Variants in FMN1 observed in about 807,000 individuals in gnomAD.
The protein encoded by FMN1 is formin 1, also known as formin-1.
FMN1 carries 110 observed loss-of-function variants against 132.4 expected under a neutral mutation model. The ratio of observed to expected loss-of-function variants is 0.83; its 90% CI spans 0.71 to 0.97. The LOEUF is 0.97. Ranked by LOEUF, FMN1 falls within the 50% of genes least tolerant of loss-of-function variation. The pLI is 0.00. For missense variants in FMN1, 1,792 were observed against 1,705.3 expected (o/e 1.05, Z -0.90); for synonymous variants, 722 against 651.7 (o/e 1.11, Z -1.64).
At chr15:32,875,709 T>C (rs2059620346) in intron 16 of FMN1, among the ~76,000 whole-genome samples, 1 of 152,238 alleles carries the variant, frequency 6.6e-6, no homozygotes, top group Non-Finnish European at 1.5e-5. Flanking sequence ...ACTCATTTGG[T>C]TGACTGACAT....
In FMN1 at chr15:32,876,414, A is replaced by C. The variant is rs568730101; in HGVS notation, c.3835+11758T>G. Among the ~76,000 whole-genome samples the C allele has an allele frequency of 4.6e-5, 7 of 152,344 alleles. No individual in the cohort carries two copies. The South Asian group carries it at 1.4e-3, about 32-fold the overall frequency. The stretch of plus-strand genomic sequence containing the variant: ...TAGTCAGGATTAGGTCCTGGAACAG[A>C]AAGGGGACAAAAATGGAAAAACCAG... On this transcript the variant is annotated intron_variant, in intron 16 of 20. Transcript: ENST00000616417.
chr15:33,096,172 A>ATGGCTGACAGAAG (rs1401110258), intron 4 of FMN1, among the ~76,000 whole-genome samples: 3 of 152,170 alleles, frequency 2.0e-5, no homozygotes, highest in Admixed American at 6.5e-5. Flanking sequence ...CTGATCCCTG[A>ATGGCTGACAGAAG]TGGCTGACAG....
At position 32,968,929 on chromosome 15, in the gene FMN1, GGGTGGT is replaced by G. The variant is rs1338802590; in HGVS notation, c.2766_2771del (p.Pro928_Pro929del). The G allele has an allele frequency of 2.4e-5, 16 of 655,266 alleles. No homozygotes were observed. Among genetic ancestry groups the G allele is most frequent in the African/African-American group, 5.7e-5 (3 of 52,544 alleles). 40.6% of individuals were successfully genotyped at this position (655,266 alleles called of 1,614,324 possible). A position where few individuals can be genotyped will look rare whatever the true frequency, so the allele number is the denominator to read the frequency against. On this transcript the variant is annotated inframe_deletion, in exon 8 of 21. Transcript: ENST00000616417. Reference sequence around the variant, plus strand: ...AGTTAGGAAGTGGGGGTGGGGGTGGGGGTGGTGGAGGTCCAGCACTTGAAGGTGGAG... The same window carrying G: ...AGTTAGGAAGTGGGGGTGGGGGTGGGGGAGGTCCAGCACTTGAAGGTGGAG...
chr15:33,142,067 C>T (rs1303709912), intron 4 of FMN1, among the ~76,000 whole-genome samples: 1 of 152,206 alleles, frequency 6.6e-6, no homozygotes, highest in Admixed American at 6.5e-5. Flanking sequence ...ATTCTGGTCA[C>T]CAACACGTAA....
rs535068508 is a variant in FMN1 at position 32,765,790 on chromosome 15, G to C, written c.*8520C>G. The C allele has an allele frequency of 6.6e-6, 1 of 152,018 alleles. No individual in the cohort carries two copies. The highest frequency in any genetic ancestry group is 1.9e-4 in the East Asian group (1 of 5,182). The allele number at this position is 152,018 out of a possible 1,614,324, so 9.4% of individuals were successfully genotyped here. A position where few individuals can be genotyped will look rare whatever the true frequency, so the allele number is the denominator to read the frequency against. On this transcript the variant is annotated 3_prime_UTR_variant, in exon 21 of 21. Coordinates refer to ENST00000616417, the MANE Select transcript of FMN1 (RefSeq NM_001277313.2). ...GATATTGTGACCAAGTACTGTCAAG[G>C]AGGAAAAAATATATATATATAATAC...
intron 13 of FMN1, among the ~76,000 whole-genome samples, chr15:32,900,468 T>C (rs2060268112): frequency 6.6e-6 from 1 of 152,252 alleles, no homozygotes; most frequent in Admixed American, 6.5e-5. Context: ...ATAGTAAGGC[T>C]TAACCTTTGA....
chr15:32,780,820 T>G (rs1325149010), intron 19 of FMN1, among the ~76,000 whole-genome samples: 1 of 152,186 alleles, frequency 6.6e-6, no homozygotes, highest in African/African-American at 2.4e-5. Context: ...GCAGAATAAA[T>G]GTAAGCTGCT....
chr15:32,915,117 T>G (rs542533528), intron 10 of FMN1, among the ~76,000 whole-genome samples: 21 of 152,302 alleles, frequency 1.4e-4, no homozygotes, highest in Middle Eastern at 3.4e-3. Context: ...TTATTTCTAA[T>G]AATATTGGCC....
intron 4 of FMN1, chr15:33,150,004 A>G: frequency 1.0e-6 from 1 of 985,212 alleles, no homozygotes; most frequent in East Asian, 1.1e-4. Flanking sequence ...TGATCAAGAG[A>G]TTCTCAGTTC....
chr15:33,108,665 T>C (rs572317823), intron 4 of FMN1, among the ~76,000 whole-genome samples: 2 of 152,244 alleles, frequency 1.3e-5, no homozygotes, highest in East Asian at 3.9e-4. Context: ...GGTCAACTGA[T>C]AGCCCTTGGC....
chr15:33,029,732 G>A (rs1236655180), intron 6 of FMN1, among the ~76,000 whole-genome samples: 1 of 152,058 alleles, frequency 6.6e-6, no homozygotes, highest in Non-Finnish European at 1.5e-5. Flanking sequence ...AAGACAGCAA[G>A]AGCTGACAGA....
chr15:32,869,210 C>T (rs2059459790), intron 16 of FMN1, among the ~76,000 whole-genome samples: 2 of 152,160 alleles, frequency 1.3e-5, no homozygotes, highest in African/African-American at 2.4e-5. Context: ...CACTGGTGTT[C>T]TGCATTCAGA....
intron 19 of FMN1, among the ~76,000 whole-genome samples, chr15:32,785,419 C>T (rs1483783225): frequency 4.0e-5 from 6 of 151,178 alleles, no homozygotes; most frequent in African/African-American, 1.5e-4. Flanking sequence ...CGTCTGGACA[C>T]AACAGGTCTC....
chr15:32,925,099 T>C (rs1025043475), intron 10 of FMN1, among the ~76,000 whole-genome samples: 8 of 152,220 alleles, frequency 5.3e-5, no homozygotes, highest in African/African-American at 1.9e-4. Context: ...TAAATGTCTT[T>C]TATCTAAAAT....
intron 10 of FMN1, among the ~76,000 whole-genome samples, chr15:32,923,598 C>T (rs1448417628): frequency 3.9e-5 from 6 of 152,300 alleles, no homozygotes; most frequent in Middle Eastern, 3.4e-3. Context: ...AGTCAACATT[C>T]GGACGCTGAA....
chr15:33,067,307 G>C, intron 5 of FMN1: 1 of 1,613,868 alleles, frequency 6.2e-7, no homozygotes, highest in Non-Finnish European at 8.5e-7. Flanking sequence ...CATTTCCCCA[G>C]TGACAGTATT....
At chr15:33,037,234 T>C (rs536346617) in intron 6 of FMN1, among the ~76,000 whole-genome samples, 175 of 152,364 alleles carry the variant, frequency 1.1e-3, no homozygotes, top group African/African-American at 3.9e-3. Context: ...TGGACGGTTT[T>C]CCAGGTACAT....
At chr15:32,928,490 C>A (rs1455411666) in intron 9 of FMN1, among the ~76,000 whole-genome samples, 1 of 152,156 alleles carries the variant, frequency 6.6e-6, no homozygotes, top group Non-Finnish European at 1.5e-5. Flanking sequence ...ATTTACTGTA[C>A]ACGTTACATG....
intron 5 of FMN1, chr15:33,066,728 G>C (rs1271040178): frequency 6.2e-7 from 1 of 1,613,732 alleles, no homozygotes; most frequent in Non-Finnish European, 8.5e-7. Context: ...CTGGGTTTGT[G>C]GTACTCCAGG....
Sources: allele counts gnomAD v4.1 joint callset (sites outside exome capture counted in the v4.1 genomes callset), GRCh38; gene constraint gnomAD v4.1.1; transcripts MANE v1.5; gene names NCBI Gene and HGNC (gene_info 2026-07-23, HGNC 2026-07-21).